Variants in MEGF11 observed in about 807,000 individuals in gnomAD.
MEGF11 encodes multiple EGF like domains 11, also known as multiple epidermal growth factor-like domains protein 11.
MEGF11 carries 126 observed loss-of-function variants against 146.6 expected under a neutral mutation model. The observed-to-expected ratio is 0.86, with a 90% CI of 0.74 to 1.00. The LOEUF (loss-of-function observed/expected upper bound fraction) is 1.00, where lower values mean the gene tolerates loss of function less well. Ranked by LOEUF, MEGF11 falls within the 50% of genes least tolerant of loss-of-function variation. The pLI, the probability that MEGF11 is intolerant of heterozygous loss-of-function variation, is 0.00. For synonymous variants in MEGF11, 532 were observed against 583.4 expected (o/e 0.91, Z 1.27); for missense variants, 1,509 against 1,521.2 (o/e 0.99, Z 0.13).
Position 65,895,554 on chromosome 15 carries a change from T to C in MEGF11, c.*2380A>G, listed in dbSNP as rs1232578340. 1 of 152,682 alleles carries C rather than the reference T, an allele frequency of 6.5e-6. No homozygotes were observed. 9.5% of individuals were successfully genotyped at this position (152,682 alleles called of 1,614,324 possible). On this transcript the variant is annotated 3_prime_UTR_variant, in exon 26 of 26. Coordinates refer to ENST00000395614, the MANE Select transcript of MEGF11 (RefSeq NM_001385028.1). ...ACAGTATACATGTTTAGGCTGACCA[T>C]GAACCTATTTGTGATGGTGTTAGAC...
intron 1 of MEGF11, among the ~76,000 whole-genome samples, chr15:66,201,566 A>T (rs953354219): frequency 1.3e-5 from 2 of 152,028 alleles, no homozygotes; most frequent in Non-Finnish European, 2.9e-5. Flanking sequence ...AGGAAAGTGT[A>T]ACAAAAGAAC....
At chr15:66,201,525 T>A (rs1247272342) in intron 1 of MEGF11, among the ~76,000 whole-genome samples, 1 of 150,828 alleles carries the variant, frequency 6.6e-6, no homozygotes, top group Non-Finnish European at 1.5e-5. Context: ...GATAAAGGGG[T>A]GATGGAGGAG....
chr15:65,965,141 GC>G (rs1436491031), intron 8 of MEGF11, 21 bp from the exon 9 acceptor site: 8 of 1,550,720 alleles, frequency 5.2e-6, no homozygotes, highest in Non-Finnish European at 7.0e-6. Flanking sequence ...GCAGAGTGGG[GC>G]TGAGGCTGTG....
intron 7 of MEGF11, among the ~76,000 whole-genome samples, chr15:65,979,805 A>G (rs1596946571): frequency 1.3e-5 from 2 of 152,184 alleles, no homozygotes; most frequent in Non-Finnish European, 2.9e-5. Context: ...GCAGCTGGGC[A>G]GGGCAGGGCT....
intron 5 of MEGF11, among the ~76,000 whole-genome samples, chr15:66,051,316 T>C (rs1376901060): frequency 1.3e-5 from 2 of 152,118 alleles, no homozygotes; most frequent in African/African-American, 4.8e-5. Context: ...CTGGGTCTCA[T>C]TGCTTCCATT....
intron 9 of MEGF11, 97 bp downstream of exon 9, chr15:65,964,811 G>A (rs2080996856): frequency 4.3e-6 from 5 of 1,170,902 alleles, no homozygotes; most frequent in Admixed American, 2.5e-5. Flanking sequence ...CTGCCTGGAT[G>A]TCCATGCTAG....
intron 1 of MEGF11, among the ~76,000 whole-genome samples, chr15:66,148,592 C>T (rs1367313789): frequency 1.3e-5 from 2 of 152,126 alleles, no homozygotes; most frequent in Admixed American, 1.3e-4. Context: ...ACCTCAGAGG[C>T]TGAGTAGCAA....
At chr15:66,006,062 A>C (rs954809029) in intron 5 of MEGF11, among the ~76,000 whole-genome samples, 1 of 152,234 alleles carries the variant, frequency 6.6e-6, no homozygotes, top group Admixed American at 6.5e-5. Context: ...TAATCTTTCT[A>C]AGCCTCAGTA....
chr15:65,982,614 G>A lies in MEGF11; in HGVS notation c.395-126C>T, dbSNP rs1036611992. On this transcript the variant is annotated intron_variant, in intron 5 of 25. Transcript: ENST00000395614. This position sits in a 1 kb window ranked among gnomAD's most constrained non-coding sequence, Gnocchi z 5.6. Reference sequence around the variant, plus strand: ...CTGCTCCCCGGACAGGTGGCAGCAAGGGGTGCCTGGAAGCTTTGGTGCCTC... The same window carrying A: ...CTGCTCCCCGGACAGGTGGCAGCAAAGGGTGCCTGGAAGCTTTGGTGCCTC... 1 of 1,177,686 alleles carries A rather than the reference G, an allele frequency of 8.5e-7. No homozygotes were observed. Among genetic ancestry groups the A allele is most frequent in the Non-Finnish European group, 1.1e-6 (1 of 887,042 alleles). 73.0% of individuals were successfully genotyped at this position (1,177,686 alleles called of 1,614,324 possible). A position where few individuals can be genotyped will look rare whatever the true frequency, so the allele number is the denominator to read the frequency against.
At chr15:65,928,153 C>T (rs2079439457) in intron 13 of MEGF11, among the ~76,000 whole-genome samples, 1 of 152,178 alleles carries the variant, frequency 6.6e-6, no homozygotes. Flanking sequence ...ATCATATTCT[C>T]TAGATTGAGC....
intron 1 of MEGF11, among the ~76,000 whole-genome samples, chr15:66,247,868 C>A (rs1322833924): frequency 6.6e-6 from 1 of 151,870 alleles, no homozygotes; most frequent in African/African-American, 2.4e-5. Flanking sequence ...GAAACCCCAT[C>A]TCTACTAAAA....
Position 66,188,113 on chromosome 15 carries a change from T to C in MEGF11, c.-8-59702A>G, listed in dbSNP as rs116770877. Among the ~76,000 whole-genome samples the C allele has an allele frequency of 1.8e-3, 267 of 145,160 alleles. 2 individuals are homozygous for C. Among genetic ancestry groups the C allele is most frequent in the African/African-American group, 6.5e-3 (262 of 40,468 alleles). ...CATCCCTGGCCTCTATGCACTAATG[T>C]AGTAACACCCCCCCATGCCCCATCC... On this transcript the variant is annotated intron_variant, in intron 1 of 25. Transcript: ENST00000395614.
At chr15:66,010,616 G>T (rs575060636) in intron 5 of MEGF11, among the ~76,000 whole-genome samples, 1 of 152,208 alleles carries the variant, frequency 6.6e-6, no homozygotes, top group African/African-American at 2.4e-5. Context: ...TGCAGGGTTT[G>T]TCACAAGTGA....
intron 5 of MEGF11, among the ~76,000 whole-genome samples, chr15:66,032,341 G>T (rs932457572): frequency 2.6e-5 from 4 of 152,196 alleles, no homozygotes; most frequent in African/African-American, 9.7e-5. Context: ...TGGGATTGTT[G>T]TTACAGCAGA....
chr15:65,940,433 A>T (rs1281128156), intron 10 of MEGF11, among the ~76,000 whole-genome samples: 4 of 152,150 alleles, frequency 2.6e-5, no homozygotes, highest in Non-Finnish European at 5.9e-5. Context: ...GGACAGTGGG[A>T]CTCCCAAGTG....
At chr15:65,941,761 A>G (rs2141376305) in intron 10 of MEGF11, among the ~76,000 whole-genome samples, 1 of 152,350 alleles carries the variant, frequency 6.6e-6, no homozygotes, top group African/African-American at 2.4e-5. Context: ...CCCAAAATCT[A>G]AAATCTCTGG....
At chr15:66,155,625 T>C (rs1299720091) in intron 1 of MEGF11, among the ~76,000 whole-genome samples, 1 of 152,192 alleles carries the variant, frequency 6.6e-6, no homozygotes, top group Non-Finnish European at 1.5e-5. Flanking sequence ...AATAGAAACC[T>C]CGATTTAACA....
chr15:66,066,322 G>C (rs1441607614), intron 5 of MEGF11, among the ~76,000 whole-genome samples: 1 of 152,110 alleles, frequency 6.6e-6, no homozygotes, highest in Non-Finnish European at 1.5e-5. Flanking sequence ...CCCCCAGTTG[G>C]TTGCTGACCT....
chr15:65,944,204 T>C (rs16949128), intron 10 of MEGF11, among the ~76,000 whole-genome samples: 16,341 of 152,090 alleles, frequency 0.11, 979 homozygotes, highest in African/African-American at 0.16. Flanking sequence ...AATGGACAGA[T>C]CCTTGGAGCT....
Sources: gnomAD v4.1 joint callset for allele counts (sites outside exome capture counted in the v4.1 genomes callset) on GRCh38, gnomAD v4.1.1 for gene constraint, Gnocchi (gnomAD v3.1) non-coding constraint, MANE v1.5 for transcripts, NCBI Gene and HGNC (gene_info 2026-07-23, HGNC 2026-07-21) for gene names.